TMTC3: variants seen among roughly 807,000 people sequenced by gnomAD.
TMTC3 encodes protein O-mannosyl-transferase TMTC3.
In TMTC3, 52 loss-of-function variants were observed where a neutral mutation model predicts 92.2. That is an observed-to-expected ratio of 0.56 (90% CI 0.45 to 0.71). The LOEUF (loss-of-function observed/expected upper bound fraction) is 0.71, where lower values mean the gene tolerates loss of function less well. Ranked by LOEUF, TMTC3 falls within the 30% of genes least tolerant of loss-of-function variation. The pLI, the probability that TMTC3 is intolerant of heterozygous loss-of-function variation, is 0.00. For synonymous variants in TMTC3, 339 were observed against 363.3 expected, an observed-to-expected ratio of 0.93 and a Z score of 0.76; for missense variants, 896 against 1,057.1, an observed-to-expected ratio of 0.85 and a Z score of 2.11.
intron 8 of TMTC3, chr12:88,173,220 G>C: frequency 1.9e-6 from 1 of 522,004 alleles, no homozygotes; most frequent in Non-Finnish European, 2.9e-6. Flanking sequence ...GAACAGCATA[G>C]TCACACTGTA....
intron 10 of TMTC3, among the ~76,000 whole-genome samples, chr12:88,181,170 A>G (rs2041313952): frequency 6.6e-6 from 1 of 152,210 alleles, no homozygotes; most frequent in Non-Finnish European, 1.5e-5. Context: ...CACCCCATAA[A>G]CACAAAAGTT....
rs1379430199 is a variant in TMTC3, at chr12:88,195,728, A to C, written c.*79A>C. ...ATTGCTTTTACTGGGAGCTTTGAAA[A>C]AAAGTTCAAGGGTTCCTAATGGTCA... On this transcript the variant is annotated 3_prime_UTR_variant, in exon 14 of 14. Coordinates refer to ENST00000266712, the MANE Select transcript of TMTC3 (RefSeq NM_181783.4). The C allele has an allele frequency of 2.3e-6, 3 of 1,309,270 alleles. No homozygotes were observed. The highest frequency in any genetic ancestry group is 2.1e-6 in the Non-Finnish European group (2 of 965,098). The allele number at this position is 1,309,270 out of a possible 1,614,324, so 81.1% of individuals were successfully genotyped here. A position where few individuals can be genotyped will look rare whatever the true frequency, so the allele number is the denominator to read the frequency against.
At chr12:88,150,974 C>G (rs1346223182) in intron 2 of TMTC3, among the ~76,000 whole-genome samples, 8 of 152,080 alleles carry the variant, frequency 5.3e-5, no homozygotes, top group Non-Finnish European at 1.0e-4. Context: ...ATGTGCTGCT[C>G]TATTTATTGA....
intron 10 of TMTC3, among the ~76,000 whole-genome samples, chr12:88,187,102 A>G (rs1000273688): frequency 2.0e-4 from 30 of 151,648 alleles, no homozygotes; most frequent in African/African-American, 6.8e-4. Context: ...TTCAGGTTCT[A>G]TGTACCTTAG....
intron 1 of TMTC3, among the ~76,000 whole-genome samples, chr12:88,147,964 C>T (rs1159362569): frequency 6.6e-6 from 1 of 152,040 alleles, no homozygotes; most frequent in Non-Finnish European, 1.5e-5. Context: ...AATATGCTGC[C>T]TTTTCCCTGT....
chr12:88,198,160 T>G lies in TMTC3; in HGVS notation c.*2511T>G. The G allele has an allele frequency of 2.5e-6, 1 of 394,404 alleles. No individual in the cohort carries two copies. Among genetic ancestry groups the G allele is most frequent in the East Asian group, 3.6e-5 (1 of 27,968 alleles). 24.4% of individuals were successfully genotyped at this position (394,404 alleles called of 1,614,324 possible). Reference sequence around the variant, plus strand: ...TTATTTCTTCTCTATAACTTCAAAATAGATATTTCATTCAAACTGTTCAGG... The same window carrying G: ...TTATTTCTTCTCTATAACTTCAAAAGAGATATTTCATTCAAACTGTTCAGG... On this transcript the variant is annotated 3_prime_UTR_variant, in exon 14 of 14. Transcript: ENST00000266712.
intron 4 of TMTC3, 61 bp from the exon 5 acceptor site, chr12:88,160,053 C>CT: frequency 2.6e-6 from 3 of 1,141,178 alleles, no homozygotes; most frequent in Non-Finnish European, 2.5e-6. Context: ...TTTAAAATAT[C>CT]TTTTTTTGAT....
chr12:88,160,941 GTTTT>G, intron 6 of TMTC3, 90 bp downstream of exon 6: 5 of 1,314,890 alleles, frequency 3.8e-6, no homozygotes, highest in Non-Finnish European at 5.2e-6. Flanking sequence ...ATTTTATTTT[GTTTT>G]TTAACAGTTT....
chr12:88,159,875 T>C (rs1222847331), intron 4 of TMTC3, among the ~76,000 whole-genome samples: 1 of 152,150 alleles, frequency 6.6e-6, no homozygotes, highest in Admixed American at 6.5e-5. Flanking sequence ...TAAAAGTTAG[T>C]ATTTGATGAA....
chr12:88,172,598 C>G lies in TMTC3; in HGVS notation c.1052C>G (p.Ala351Gly). ...SGDSSKTVLMALCLMALPFIP... is the reference protein window; with the variant it reads ...SGDSSKTVLMGLCLMALPFIP... ...TAAATCTTCTTTTTTTTTTTGTAGG[C>G]GCTTTGTTTAATGGCATTACCATTT... is the stretch of plus-strand genomic sequence containing the variant. Residue 351 changes from alanine (A) to glycine (G), a missense_variant and splice_region_variant, in exon 8 of 14, where the codon GCG becomes GGG. Transcript: ENST00000266712. The G allele has an allele frequency of 7.4e-7, 1 of 1,358,330 alleles. No individual in the cohort carries two copies. The highest frequency in any genetic ancestry group is 9.5e-7 in the Non-Finnish European group (1 of 1,049,222). 84.1% of individuals were successfully genotyped at this position (1,358,330 alleles called of 1,614,324 possible).
At position 88,161,358 on chromosome 12, in the gene TMTC3, C is replaced by T. The variant is rs548932911; in HGVS notation, c.797+507C>T. On this transcript the variant is annotated intron_variant, in intron 6 of 13. Transcript: ENST00000266712. ...TAGTAATAGTCTTTACTCAGAAATT[C>T]ACTTTTTCTTATCACAGCTGTCTTT... is the stretch of plus-strand genomic sequence containing the variant. 3.3e-5 allele frequency among the ~76,000 whole-genome samples: 5 copies of T among 152,228 alleles called. No individual in the cohort carries two copies. The East Asian group carries it at 9.6e-4, about 29-fold the overall frequency.
rs2041519808 is a variant in TMTC3 at position 88,196,898 on chromosome 12, G to T, written c.*1249G>T. On this transcript the variant is annotated 3_prime_UTR_variant, in exon 14 of 14. Transcript: ENST00000266712. ...TTAATAAATTTTTCAGTTGGTTTGGGCAAATTTAAACCTGAAAAATAGGTT... is the reference window on the plus strand; with the variant it reads ...TTAATAAATTTTTCAGTTGGTTTGGTCAAATTTAAACCTGAAAAATAGGTT... The T allele has an allele frequency of 6.6e-6, 1 of 151,540 alleles. No homozygotes were observed. The highest frequency in any genetic ancestry group is 2.4e-5 in the African/African-American group (1 of 41,306). 9.4% of individuals were successfully genotyped at this position (151,540 alleles called of 1,614,324 possible). A position where few individuals can be genotyped will look rare whatever the true frequency, so the allele number is the denominator to read the frequency against.
chr12:88,148,043 G>A (rs1215645119), intron 1 of TMTC3, among the ~76,000 whole-genome samples: 2 of 152,074 alleles, frequency 1.3e-5, no homozygotes, highest in African/African-American at 4.8e-5. Flanking sequence ...GAATAGGAGA[G>A]GTTACTTGGC....
At chr12:88,146,388 C>T (rs1166862896) in intron 1 of TMTC3, among the ~76,000 whole-genome samples, 3 of 152,054 alleles carry the variant, frequency 2.0e-5, no homozygotes, top group Non-Finnish European at 4.4e-5. Context: ...GAACCTTGCC[C>T]TCCTGTTGTC....
rs930324536 is a variant in TMTC3 at position 88,192,688 on chromosome 12, A to G, written c.1791A>G (p.Ala597=). 3.1e-6 allele frequency: 5 copies of G among 1,613,464 alleles called. No individual in the cohort carries two copies. The African/African-American group carries it at 6.7e-5, about 22-fold the overall frequency. Reference sequence around the variant, plus strand: ...CACTAGAGCTGGACAGAAATAATGCAGATCTTTGGTACAACTTGGCAATTG... The same window carrying G: ...CACTAGAGCTGGACAGAAATAATGCGGATCTTTGGTACAACTTGGCAATTG... ...LKALELDRNN[A]DLWYNLAIVH... The change falls in exon 13 of 14, where the codon GCA becomes GCG. Residue 597 remains alanine (A), a synonymous_variant. Transcript: ENST00000266712.
At chr12:88,162,866 TTTAAG>T (rs2138386855) in intron 6 of TMTC3, among the ~76,000 whole-genome samples, 1 of 152,206 alleles carries the variant, frequency 6.6e-6, no homozygotes, top group Non-Finnish European at 1.5e-5. Flanking sequence ...CTGGAATGCA[TTTAAG>T]TTACTTGGAA....
Position 88,190,551 on chromosome 12 carries a change from G to A in TMTC3, c.1635G>A (p.Leu545=). 4.3e-6 allele frequency: 7 copies of A among 1,613,900 alleles called. No individual in the cohort carries two copies. The highest frequency in any genetic ancestry group is 4.2e-6 in the Non-Finnish European group (5 of 1,179,914). Residue 545 remains leucine (L), a synonymous_variant, in exon 12 of 14, where the codon CTG becomes CTA. Coordinates refer to ENST00000266712, the MANE Select transcript of TMTC3 (RefSeq NM_181783.4). The stretch of plus-strand genomic sequence containing the variant: ...TGATCCGAGCAAATGAGTCCCGACT[G>A]GAAGAAGCAGATCAGCTGTACCGTC... ...ANLIRANESR[L]EEADQLYRQA...
At chr12:88,154,790 A>G (rs1439555662) in intron 4 of TMTC3, among the ~76,000 whole-genome samples, 2 of 152,208 alleles carry the variant, frequency 1.3e-5, no homozygotes, top group African/African-American at 4.8e-5. Context: ...CTAGAATATA[A>G]CTTTTATTGT....
rs755407351 is a variant in TMTC3, at chr12:88,166,414, A to T, written c.882A>T (p.Leu294Phe). Residue 294 changes from leucine (L) to phenylalanine (F), a missense_variant, in exon 7 of 14, where the codon TTA becomes TTT. Leu to Phe is a conservative substitution (Grantham distance 22). Transcript: ENST00000266712. ...NYLLPVNAWL[L>F]LNPSELCCDW... ...TCCTTCCTGTGAATGCTTGGTTGTT[A>T]TTAAATCCTTCAGAGCTCTGCTGTG... 5.0e-6 allele frequency: 8 copies of T among 1,613,940 alleles called. No homozygotes were observed. The highest frequency in any genetic ancestry group is 6.8e-6 in the Non-Finnish European group (8 of 1,179,916).
Sources: allele counts gnomAD v4.1 joint callset (sites outside exome capture counted in the v4.1 genomes callset), GRCh38; gene constraint gnomAD v4.1.1; transcripts MANE v1.5; gene names NCBI Gene and HGNC (gene_info 2026-07-23, HGNC 2026-07-21).